Variants in UGGT2 observed in about 807,000 individuals in gnomAD.
UGGT2 encodes the protein UDP-glucose glycoprotein glucosyltransferase 2.
In UGGT2, 180 loss-of-function variants were observed where a neutral mutation model predicts 192.1. The ratio of observed to expected loss-of-function variants is 0.94; its 90% CI spans 0.83 to 1.06. The LOEUF (loss-of-function observed/expected upper bound fraction) is 1.06. Ranked by LOEUF, UGGT2 falls within the 50% of genes least tolerant of loss-of-function variation. The pLI is 0.00. For synonymous variants in UGGT2, 580 were observed against 591.0 expected, an observed-to-expected ratio of 0.98 and a Z score of 0.27; for missense variants, 1,849 against 1,795.7, an observed-to-expected ratio of 1.03 and a Z score of -0.54.
intron 20 of UGGT2, among the ~76,000 whole-genome samples, chr13:95,920,836 G>T (rs1206514101): frequency 6.6e-6 from 1 of 152,118 alleles, no homozygotes; most frequent in Non-Finnish European, 1.5e-5. Context: ...CCATTACTTG[G>T]CATATACACA....
At chr13:95,839,586 T>C (rs531765862) in intron 36 of UGGT2, among the ~76,000 whole-genome samples, 7 of 152,312 alleles carry the variant, frequency 4.6e-5, no homozygotes, top group African/African-American at 1.7e-4. Context: ...TTATAAACAA[T>C]GCTTCTATAA....
intron 36 of UGGT2, among the ~76,000 whole-genome samples, chr13:95,842,909 T>C (rs529967408): frequency 7.9e-5 from 12 of 152,294 alleles, no homozygotes; most frequent in Admixed American, 7.2e-4. Flanking sequence ...TCTTGAGAGA[T>C]ACAATGAAGC....
chr13:96,017,409 G>A (rs908360292), intron 4 of UGGT2, among the ~76,000 whole-genome samples: 13 of 152,062 alleles, frequency 8.5e-5, no homozygotes, highest in African/African-American at 2.2e-4. Flanking sequence ...TTCCAGCTTC[G>A]CCTTCTGTCA....
chr13:95,832,996 C>T lies in UGGT2; in HGVS notation c.4459G>A (p.Glu1487Lys). 6.2e-7 allele frequency: 1 copy of T among 1,612,966 alleles called. No homozygotes were observed. ...ATCTCAGCATCATACTCCACCCATT[C>T]TGGGACAATTCTGGCAGCAGCTTTT... ...KLKAAARIVP[E>K]WVEYDAEIRQ... The change falls in exon 38 of 39, where the codon GAA (glutamate) becomes AAA (lysine). Residue 1487 changes from glutamate to lysine, a missense_variant. Physicochemically the swap from Glu to Lys is moderately conservative, Grantham distance 56. Transcript: ENST00000376747.
At chr13:96,038,511 C>T (rs968437712) in intron 1 of UGGT2, among the ~76,000 whole-genome samples, 2 of 152,056 alleles carry the variant, frequency 1.3e-5, no homozygotes, top group East Asian at 3.9e-4. Context: ...ACACCATTAC[C>T]CAAGGATCCT....
chr13:95,987,748 A>G (rs2051333632), intron 8 of UGGT2, among the ~76,000 whole-genome samples: 1 of 152,050 alleles, frequency 6.6e-6, no homozygotes, highest in Admixed American at 6.6e-5. Flanking sequence ...AGTCCTATCA[A>G]CCCCTTCTTA....
At chr13:96,010,410 G>C (rs2052124260) in intron 5 of UGGT2, among the ~76,000 whole-genome samples, 1 of 152,082 alleles carries the variant, frequency 6.6e-6, no homozygotes, top group South Asian at 2.1e-4. Context: ...ATGTACACCA[G>C]AACTTAAAAA....
intron 38 of UGGT2, 39 bp from the exon 39 acceptor site, chr13:95,801,851 A>C (rs1405898831): frequency 6.2e-7 from 1 of 1,611,056 alleles, no homozygotes; most frequent in Admixed American, 1.7e-5. Flanking sequence ...CTGGCATCTT[A>C]AACATAAAAA....
At chr13:96,002,709 A>T (rs1257163040) in intron 5 of UGGT2, among the ~76,000 whole-genome samples, 1 of 152,228 alleles carries the variant, frequency 6.6e-6, no homozygotes, top group Non-Finnish European at 1.5e-5. Flanking sequence ...AAAATTATAC[A>T]ATGAACAATT....
At chr13:95,919,479 G>A (rs144081388) in intron 20 of UGGT2, among the ~76,000 whole-genome samples, 10,454 of 152,164 alleles carry the variant, frequency 0.069, 650 homozygotes, top group African/African-American at 0.16. Flanking sequence ...CATCATCTCA[G>A]CCCAAAAGCT....
At chr13:95,919,710 C>T (rs1383664478) in intron 20 of UGGT2, among the ~76,000 whole-genome samples, 1 of 152,112 alleles carries the variant, frequency 6.6e-6, no homozygotes, top group Non-Finnish European at 1.5e-5. Context: ...GGAGAGGACA[C>T]AAACAAATGG....
At chr13:95,935,356 C>T (rs1338334982) in intron 17 of UGGT2, among the ~76,000 whole-genome samples, 2 of 152,074 alleles carry the variant, frequency 1.3e-5, no homozygotes, top group Non-Finnish European at 2.9e-5. Context: ...TTGTAAGGCC[C>T]GTTTAGTGCT....
intron 12 of UGGT2, among the ~76,000 whole-genome samples, chr13:95,957,345 T>A: frequency 6.6e-6 from 1 of 152,184 alleles, no homozygotes; most frequent in Non-Finnish European, 1.5e-5. Context: ...AAAAACTACT[T>A]TGTGACAATC....
intron 26 of UGGT2, chr13:95,887,237 A>C (rs1488722024): frequency 2.0e-6 from 1 of 503,444 alleles, no homozygotes; most frequent in African/African-American, 1.9e-5. Context: ...CACATTAAAA[A>C]GTCTTAAAAA....
chr13:95,884,391 TA>T, intron 27 of UGGT2, 99 bp downstream of exon 27: 2 of 920,336 alleles, frequency 2.2e-6, no homozygotes, highest in Non-Finnish European at 3.0e-6. Context: ...AATATTCTGG[TA>T]AACATTCATA....
rs1207017828 is a variant in UGGT2, at chr13:95,949,326, A to G, written c.1455+9T>C. On this transcript the variant is annotated intron_variant, in intron 13 of 38. Coordinates refer to ENST00000376747, the MANE Select transcript of UGGT2 (RefSeq NM_020121.4). The stretch of plus-strand genomic sequence containing the variant: ...AGATATATATGTATAATCAAAATAT[A>G]AAACTCACCAAATTATGAAAATTGC... 3 of 1,524,836 alleles carry G rather than the reference A, an allele frequency of 2.0e-6. No homozygotes were observed. The highest frequency in any genetic ancestry group is 2.3e-5 in the East Asian group (1 of 43,086). The allele number at this position is 1,524,836 out of a possible 1,614,324, so 94.5% of individuals were successfully genotyped here. A position where few individuals can be genotyped will look rare whatever the true frequency, so the allele number is the denominator to read the frequency against.
intron 1 of UGGT2, among the ~76,000 whole-genome samples, chr13:96,049,126 A>C (rs1048935347): frequency 1.3e-5 from 2 of 152,238 alleles, no homozygotes; most frequent in Non-Finnish European, 1.5e-5. Context: ...CAAAAAGCTT[A>C]TCCACCATGA....
At chr13:95,887,819 G>T (rs1354154525) in intron 26 of UGGT2, 73 bp downstream of exon 26, 2 of 932,742 alleles carry the variant, frequency 2.1e-6, no homozygotes, top group East Asian at 5.0e-5. Context: ...ACCAGGTCCA[G>T]TAACAATGAT....
At chr13:95,852,873 T>C (rs1353475105) in intron 36 of UGGT2, among the ~76,000 whole-genome samples, 1 of 152,136 alleles carries the variant, frequency 6.6e-6, no homozygotes, top group Non-Finnish European at 1.5e-5. Context: ...GACTTGAGCA[T>C]GTTTACACAA....
Sources: gnomAD v4.1 joint callset for allele counts (sites outside exome capture counted in the v4.1 genomes callset) on GRCh38, gnomAD v4.1.1 for gene constraint, MANE v1.5 for transcripts, NCBI Gene and HGNC (gene_info 2026-07-23, HGNC 2026-07-21) for gene names.